The following CSMD1 variants were observed in gnomAD, a reference collection of about 807,000 sequenced individuals.
CSMD1 encodes CUB and Sushi multiple domains 1, also known as CUB and sushi domain-containing protein 1.
A neutral mutation model predicts 417.5 loss-of-function variants in CSMD1; 213 were observed. The observed-to-expected ratio is 0.51, with a 90% confidence interval of 0.46 to 0.57. The LOEUF is 0.57. Ranked by LOEUF, CSMD1 falls within the 20% of genes least tolerant of loss-of-function variation. The pLI is 0.00. For missense variants in CSMD1, 6,923 were observed against 4,529.7 expected, an observed-to-expected ratio of 1.53 and a Z score of -15.17; for synonymous variants, 2,862 against 1,736.8, an observed-to-expected ratio of 1.65 and a Z score of -16.11.
chr8:4,035,839 G>C (rs1797587599), intron 3 of CSMD1, among the ~76,000 whole-genome samples: 1 of 152,140 alleles, frequency 6.6e-6, no homozygotes, highest in Non-Finnish European at 1.5e-5. Flanking sequence ...TAAGTGTACA[G>C]TGTTTATGAA....
intron 10 of CSMD1, among the ~76,000 whole-genome samples, chr8:3,568,448 G>A (rs996830728): frequency 6.6e-6 from 1 of 152,124 alleles, no homozygotes; most frequent in Non-Finnish European, 1.5e-5. Context: ...GAACAAATCA[G>A]TAAGATGTAC....
At chr8:4,519,545 G>T (rs1242077366) in intron 2 of CSMD1, among the ~76,000 whole-genome samples, 1 of 151,376 alleles carries the variant, frequency 6.6e-6, no homozygotes, top group South Asian at 2.1e-4. Flanking sequence ...TTCAAGACTA[G>T]CCTGGACAAC....
At chr8:4,893,467 T>C (rs926073696) in intron 1 of CSMD1, among the ~76,000 whole-genome samples, 4 of 152,158 alleles carry the variant, frequency 2.6e-5, no homozygotes, top group East Asian at 3.8e-4. Flanking sequence ...TTATTTGTTG[T>C]CTTTAAGAGC....
intron 2 of CSMD1, among the ~76,000 whole-genome samples, chr8:4,505,609 G>C (rs2130309552): frequency 6.6e-6 from 1 of 152,216 alleles, no homozygotes; most frequent in South Asian, 2.1e-4. Context: ...GTGCTTTTCA[G>C]AGAGAAGTTT....
intron 1 of CSMD1, among the ~76,000 whole-genome samples, chr8:4,879,091 G>T (rs1455506757): frequency 6.6e-6 from 1 of 151,908 alleles, no homozygotes; most frequent in African/African-American, 2.4e-5. Flanking sequence ...AGTAAGCTTT[G>T]CAAACAAACA....
chr8:3,083,841 G>C (rs893765701), intron 49 of CSMD1, among the ~76,000 whole-genome samples: 3 of 150,728 alleles, frequency 2.0e-5, no homozygotes, highest in African/African-American at 7.3e-5. Flanking sequence ...TGTATTTCCT[G>C]TAGAGACAGG....
At position 3,574,952 on chromosome 8, in the gene CSMD1, G is replaced by T. The variant is rs1485581476; in HGVS notation, c.1337C>A (p.Pro446Gln). 6.2e-7 allele frequency: 1 copy of T among 1,612,182 alleles called. No individual in the cohort carries two copies. Among genetic ancestry groups the T allele is most frequent in the Non-Finnish European group, 8.5e-7 (1 of 1,179,618 alleles). The change falls in exon 10 of 70, where the codon CCG becomes CAG. Residue 446 changes from proline to glutamine, a missense_variant. Pro to Gln is a moderately conservative substitution (Grantham distance 76). Coordinates refer to ENST00000635120, the MANE Select transcript of CSMD1 (RefSeq NM_033225.6). ...TTGGAGGCGGAGCCTTACCTTGTCC[G>T]GGTCGGTGGTGGTGATGACCCACAC... ...HCVWVITTTD[P>Q]DKVIKLAFEE... is the part of the protein sequence containing the mutation.
At chr8:4,671,268 G>C (rs895702177) in intron 1 of CSMD1, among the ~76,000 whole-genome samples, 3 of 152,042 alleles carry the variant, frequency 2.0e-5, no homozygotes, top group African/African-American at 4.8e-5. Context: ...GTGACTATTA[G>C]GGCAGGTTAC....
intron 51 of CSMD1, among the ~76,000 whole-genome samples, chr8:3,025,083 G>A (rs1407039801): frequency 6.6e-6 from 1 of 150,856 alleles, no homozygotes; most frequent in Non-Finnish European, 1.5e-5. Flanking sequence ...TGTATTGTGT[G>A]GTGTTATTCT....
Position 3,136,998 on chromosome 8 carries a change from G to A in CSMD1, c.6241+5467C>T, listed in dbSNP as rs530796727. ...AGAGATAATAATTGCACATATTCAT[G>A]GGGTACATAGTGATGTTTCAATACA... On this transcript the variant is annotated intron_variant, in intron 41 of 69. Coordinates refer to ENST00000635120, the MANE Select transcript of CSMD1 (RefSeq NM_033225.6). Among the ~76,000 whole-genome samples, 11 of 151,950 alleles carry A rather than the reference G, an allele frequency of 7.2e-5. No homozygotes were observed. The South Asian group carries it at 1.9e-3, about 26-fold the overall frequency.
intron 20 of CSMD1, among the ~76,000 whole-genome samples, chr8:3,365,416 T>A (rs1216727073): frequency 6.6e-6 from 1 of 152,230 alleles, no homozygotes; most frequent in Non-Finnish European, 1.5e-5. Context: ...TTTTACATAA[T>A]GTTAATCAAC....
rs575636261 is a variant in CSMD1, at chr8:3,326,822, G to C, written c.3631+16472C>G. 5.9e-5 allele frequency among the ~76,000 whole-genome samples: 9 copies of C among 152,280 alleles called. No homozygotes were observed. In the East Asian group the frequency reaches 1.7e-3, roughly 29 times the overall value. On this transcript the variant is annotated intron_variant, in intron 23 of 69. Transcript: ENST00000635120. ...TAGGCTTTCTTTTCTTATAGCAGAA[G>C]TGTAAAAATGCCTTTTCAGGATTCT...
At chr8:3,660,816 C>A (rs373472917) in intron 7 of CSMD1, among the ~76,000 whole-genome samples, 18 of 152,256 alleles carry the variant, frequency 1.2e-4, no homozygotes, top group African/African-American at 3.8e-4. Flanking sequence ...CCACCCCGCC[C>A]GACTGACTTT....
intron 1 of CSMD1, among the ~76,000 whole-genome samples, chr8:4,658,876 T>C (rs1287847909): frequency 6.6e-6 from 1 of 152,134 alleles, no homozygotes; most frequent in African/African-American, 2.4e-5. Context: ...AGTCTAGAGC[T>C]ATATAGGAGC....
chr8:4,791,849 T>G (rs1797707930), intron 1 of CSMD1, among the ~76,000 whole-genome samples: 1 of 152,050 alleles, frequency 6.6e-6, no homozygotes, highest in Non-Finnish European at 1.5e-5. Context: ...AGATATACTT[T>G]TTTTCAAAAA....
At chr8:3,512,839 G>A (rs767384938) in intron 10 of CSMD1, among the ~76,000 whole-genome samples, 13 of 151,882 alleles carry the variant, frequency 8.6e-5, no homozygotes, top group South Asian at 2.1e-4. Flanking sequence ...CTCTTCATCC[G>A]CCCACCTCGG....
At chr8:3,596,574 CA>C (rs753536355) in intron 8 of CSMD1, among the ~76,000 whole-genome samples, 1 of 152,164 alleles carries the variant, frequency 6.6e-6, no homozygotes, top group Non-Finnish European at 1.5e-5. Context: ...CCTAAATACA[CA>C]GAGACTGTTC....
rs183967360 is a variant in CSMD1 at position 4,484,655 on chromosome 8, C to G, written c.303-64590G>C. On this transcript the variant is annotated intron_variant, in intron 2 of 69. Coordinates refer to ENST00000635120, the MANE Select transcript of CSMD1 (RefSeq NM_033225.6). ...AGTGAGACACATCTTCCTGCATGGT[C>G]CCTACCTGGGAAGATATTGAAAGAG... Among the ~76,000 whole-genome samples the G allele has an allele frequency of 2.0e-3, 302 of 152,014 alleles. 2 individuals are homozygous for G. Among genetic ancestry groups the G allele is most frequent in the Non-Finnish European group, 2.5e-3 (168 of 67,964 alleles).
At chr8:3,545,181 C>T (rs1468625913) in intron 10 of CSMD1, among the ~76,000 whole-genome samples, 2 of 152,160 alleles carry the variant, frequency 1.3e-5, no homozygotes, top group Admixed American at 6.5e-5. Flanking sequence ...CTACACTTAG[C>T]AAAGAGCAGG....
Sources: gnomAD v4.1 joint callset for allele counts (sites outside exome capture counted in the v4.1 genomes callset) on GRCh38, gnomAD v4.1.1 for gene constraint, MANE v1.5 for transcripts, NCBI Gene and HGNC (gene_info 2026-07-23, HGNC 2026-07-21) for gene names.